BRD10: variants seen among roughly 807,000 people sequenced by gnomAD.
BRD10 encodes the protein bromodomain containing 10.
the BRD10 span, among the ~76,000 whole-genome samples, chr9:5,883,138 C>T: frequency 6.8e-6 from 1 of 147,140 alleles, no homozygotes; most frequent in South Asian, 2.2e-4. Context: ...TGCACATGTA[C>T]CCTAGAACTT....
the BRD10 span, chr9:5,920,591 T>A: frequency 6.2e-7 from 1 of 1,614,002 alleles, no homozygotes; most frequent in Non-Finnish European, 8.5e-7. Context: ...TTTATTTGTG[T>A]TTACATTTGT....
At chr9:5,983,242 T>C in the BRD10 span, among the ~76,000 whole-genome samples, 2 of 152,302 alleles carry the variant, frequency 1.3e-5, no homozygotes, top group East Asian at 3.9e-4. Context: ...CATTATGCTA[T>C]TGTAGGGCTG....
chr9:6,000,268 C>G, the BRD10 span, among the ~76,000 whole-genome samples: 1 of 151,990 alleles, frequency 6.6e-6, no homozygotes, highest in Non-Finnish European at 1.5e-5. Context: ...GGTTTGGTGA[C>G]AGATACTACC....
At chr9:6,008,124 G>T in the BRD10 span, 2 of 983,652 alleles carry the variant, frequency 2.0e-6, no homozygotes. Context: ...AGGCCCTGCC[G>T]GGTCGCCGCG....
At chr9:5,988,923 A>C in the BRD10 span, among the ~76,000 whole-genome samples, 2 of 152,220 alleles carry the variant, frequency 1.3e-5, no homozygotes, top group African/African-American at 4.8e-5. Context: ...AAAATGATAC[A>C]TAAACACTTT....
the BRD10 span, among the ~76,000 whole-genome samples, chr9:5,917,979 A>G: frequency 6.6e-6 from 1 of 152,248 alleles, no homozygotes; most frequent in African/African-American, 2.4e-5. Flanking sequence ...AAAGGCAAAC[A>G]GTTTTGGGTC....
At chr9:5,974,199 C>A in the BRD10 span, among the ~76,000 whole-genome samples, 1 of 151,986 alleles carries the variant, frequency 6.6e-6, no homozygotes, top group African/African-American at 2.4e-5. Context: ...TTAATAGCAA[C>A]AAAATAAACC....
chr9:5,894,612 G>A, the BRD10 span, among the ~76,000 whole-genome samples: 4 of 152,180 alleles, frequency 2.6e-5, no homozygotes, highest in African/African-American at 4.8e-5. The surrounding 1 kb of genome is among the most constrained non-coding windows in gnomAD (Gnocchi z 4.0). Flanking sequence ...CCAGTGCTCT[G>A]CTGGGGAGGG....
chr9:5,942,536 A>T, the BRD10 span, among the ~76,000 whole-genome samples: 3 of 152,344 alleles, frequency 2.0e-5, no homozygotes, highest in African/African-American at 7.2e-5. Context: ...GGAACAATAG[A>T]TGCAAACTTT....
chr9:5,920,845 G>C, the BRD10 span: 7 of 1,613,918 alleles, frequency 4.3e-6, no homozygotes, highest in Non-Finnish European at 5.9e-6. Flanking sequence ...ATGATGCAAG[G>C]TGTCCTGTTT....
chr9:5,897,477 G>T, the BRD10 span: 1 of 1,320,370 alleles, frequency 7.6e-7, no homozygotes, highest in Non-Finnish European at 1.1e-6. Context: ...TCCATATGAA[G>T]AGGAAGACTG....
the BRD10 span, among the ~76,000 whole-genome samples, chr9:5,908,185 C>A: frequency 1.3e-5 from 2 of 152,114 alleles, no homozygotes; most frequent in Non-Finnish European, 2.9e-5. Flanking sequence ...TAAAAACACT[C>A]CCAGAATTGT....
At chr9:5,903,771 AC>A in the BRD10 span, among the ~76,000 whole-genome samples, 1 of 152,202 alleles carries the variant, frequency 6.6e-6, no homozygotes, top group South Asian at 2.1e-4. Context: ...ATCCCTGATA[AC>A]TTTCCTTGAA....
At chr9:6,007,518 C>G in the BRD10 span, 2 of 1,613,022 alleles carry the variant, frequency 1.2e-6, no homozygotes, top group South Asian at 2.2e-5. Flanking sequence ...GCTTCTCCTG[C>G]AGGAACTCGC....
chr9:5,896,159 G>A, the BRD10 span, among the ~76,000 whole-genome samples: 1 of 152,158 alleles, frequency 6.6e-6, no homozygotes, highest in Non-Finnish European at 1.5e-5. Flanking sequence ...CCACTTGCTG[G>A]TTGTGCAGCC....
chr9:5,929,986 T>C, the BRD10 span, among the ~76,000 whole-genome samples: 382 of 152,216 alleles, frequency 2.5e-3, 3 homozygotes, highest in African/African-American at 8.9e-3. Flanking sequence ...ACACAGGCTA[T>C]AGAAACCTCT....
the BRD10 span, chr9:5,924,881 A>C: frequency 7.5e-7 from 1 of 1,330,318 alleles, no homozygotes; most frequent in Non-Finnish European, 9.9e-7. Context: ...AATAATACAT[A>C]TGATTTAAAT....
At chr9:5,948,190 C>T in the BRD10 span, among the ~76,000 whole-genome samples, 1 of 152,132 alleles carries the variant, frequency 6.6e-6, no homozygotes, top group Non-Finnish European at 1.5e-5. Flanking sequence ...TTAGCCTAGG[C>T]TAAAGAGACC....
chr9:6,007,989 C>T, the BRD10 span: 2 of 1,276,656 alleles, frequency 1.6e-6, no homozygotes, highest in Non-Finnish European at 9.9e-7. Context: ...ACATGGCGCG[C>T]GAGGAGGGGG....
Sources: gnomAD v4.1 joint callset for allele counts (sites outside exome capture counted in the v4.1 genomes callset) on GRCh38, gnomAD v4.1.1 for gene constraint, Gnocchi (gnomAD v3.1) non-coding constraint, MANE v1.5 for transcripts, NCBI Gene and HGNC (gene_info 2026-07-23, HGNC 2026-07-21) for gene names.